Variants in TENM3 observed in about 807,000 individuals in gnomAD.
TENM3 encodes the protein teneurin transmembrane protein 3.
Under a neutral mutation model 255.1 loss-of-function variants are expected in TENM3, and 63 were observed. That is an observed-to-expected ratio of 0.25 (90% CI 0.20 to 0.30). The LOEUF is 0.30. Among genes scored for constraint, TENM3 ranks in the 10% least tolerant of loss-of-function variants. TENM3 has a pLI of 1.00. For missense variants in TENM3, 2,929 were observed against 3,461.1 expected (o/e 0.85, Z 3.86); for synonymous variants, 1,306 against 1,322.3 (o/e 0.99, Z 0.27).
chr4:182,031,983 T>C, the TENM3 span, among the ~76,000 whole-genome samples: 2 of 152,202 alleles, frequency 1.3e-5, no homozygotes, highest in Non-Finnish European at 2.9e-5. Context: ...AGATATAGGA[T>C]CATGTCATCT....
At chr4:181,479,326 G>T in the TENM3 span, among the ~76,000 whole-genome samples, 1 of 152,166 alleles carries the variant, frequency 6.6e-6, no homozygotes, top group Non-Finnish European at 1.5e-5. Context: ...GTAGAACCCG[G>T]ATGCTTCAAT....
At chr4:181,927,035 T>G in the TENM3 span, among the ~76,000 whole-genome samples, 65 of 152,298 alleles carry the variant, frequency 4.3e-4, no homozygotes, top group African/African-American at 1.5e-3. Context: ...GAGATTCCCT[T>G]GGGTGCCTAT....
At chr4:181,559,788 T>A in the TENM3 span, among the ~76,000 whole-genome samples, 3 of 152,334 alleles carry the variant, frequency 2.0e-5, no homozygotes, top group African/African-American at 7.2e-5. Context: ...CTCAGCCGCA[T>A]ACCAGCCAAA....
At chr4:182,055,831 A>G in the TENM3 span, among the ~76,000 whole-genome samples, 3 of 152,166 alleles carry the variant, frequency 2.0e-5, no homozygotes, top group African/African-American at 7.2e-5. Context: ...AATTAAAGAT[A>G]AGTGCGTATA....
chr4:182,018,586 T>C, the TENM3 span, among the ~76,000 whole-genome samples: 4,556 of 152,276 alleles, frequency 0.03, 124 homozygotes, highest in Non-Finnish European at 0.051. Flanking sequence ...AATAATAATA[T>C]TTATCTAGCT....
At chr4:181,634,366 A>G in the TENM3 span, among the ~76,000 whole-genome samples, 12,231 of 143,430 alleles carry the variant, frequency 0.085, 677 homozygotes, top group East Asian at 0.19. Flanking sequence ...CATCTGTTTG[A>G]GTCTTACTTT....
chr4:182,328,261 G>A (rs1763535320), intron 2 of TENM3, among the ~76,000 whole-genome samples: 1 of 152,088 alleles, frequency 6.6e-6, no homozygotes. Flanking sequence ...TGTCGCCCAG[G>A]CTGGAGTGAA....
At chr4:181,477,277 T>A in the TENM3 span, among the ~76,000 whole-genome samples, 12 of 152,288 alleles carry the variant, frequency 7.9e-5, 1 homozygote, top group African/African-American at 2.9e-4. Flanking sequence ...AAGTGGGGAC[T>A]TGAATAAGTG....
At chr4:182,246,763 C>T (rs1230821072) in intron 1 of TENM3, among the ~76,000 whole-genome samples, 1 of 152,220 alleles carries the variant, frequency 6.6e-6, no homozygotes, top group East Asian at 1.9e-4. Context: ...CCCTCTCGTC[C>T]TTCGCTTTGC....
At chr4:182,757,510 A>G (rs1325386388) in intron 22 of TENM3, among the ~76,000 whole-genome samples, 1 of 152,098 alleles carries the variant, frequency 6.6e-6, no homozygotes, top group Non-Finnish European at 1.5e-5. Context: ...TAGTGCTGAC[A>G]CTTGAACTTC....
At chr4:182,621,591 C>A in intron 4 of TENM3, among the ~76,000 whole-genome samples, 1 of 87,836 alleles carries the variant, frequency 1.1e-5, no homozygotes, top group Non-Finnish European at 2.5e-5. Context: ...AGGGAGACCC[C>A]CATCTGTACA....
At chr4:181,528,885 A>T in the TENM3 span, among the ~76,000 whole-genome samples, 1 of 114,654 alleles carries the variant, frequency 8.7e-6, no homozygotes, top group Non-Finnish European at 2.1e-5. Context: ...ACACACACAC[A>T]TACACACACA....
At chr4:182,506,272 A>T (rs758301423) in intron 3 of TENM3, among the ~76,000 whole-genome samples, 3 of 152,174 alleles carry the variant, frequency 2.0e-5, no homozygotes, top group Non-Finnish European at 2.9e-5. Flanking sequence ...TACTTTTGAA[A>T]TGTTTTCCAT....
intron 1 of TENM3, among the ~76,000 whole-genome samples, chr4:182,188,461 A>G (rs1054101860): frequency 1.3e-5 from 2 of 152,194 alleles, no homozygotes; most frequent in Non-Finnish European, 2.9e-5. Flanking sequence ...CATGTCTGTC[A>G]CAGGTGTCTA....
At chr4:182,194,645 C>G (rs572809624) in intron 1 of TENM3, among the ~76,000 whole-genome samples, 2 of 152,122 alleles carry the variant, frequency 1.3e-5, no homozygotes, top group Non-Finnish European at 2.9e-5. Flanking sequence ...TGCCAGCCAG[C>G]CAGACTAAAT....
chr4:182,349,048 A>G (rs1765010173), intron 3 of TENM3, among the ~76,000 whole-genome samples: 1 of 152,196 alleles, frequency 6.6e-6, no homozygotes, highest in Admixed American at 6.5e-5. Flanking sequence ...GAAGAGAGAC[A>G]GGGAGAGTGT....
chr4:181,535,847 A>G, the TENM3 span, among the ~76,000 whole-genome samples: 5,541 of 152,036 alleles, frequency 0.036, 353 homozygotes, highest in African/African-American at 0.13. Flanking sequence ...TTCTCCAACC[A>G]CAGCTCCTCA....
the TENM3 span, among the ~76,000 whole-genome samples, chr4:181,453,279 G>C: frequency 6.6e-6 from 1 of 152,258 alleles, no homozygotes; most frequent in South Asian, 2.1e-4. Context: ...TCGAATAATA[G>C]GCTTAGTGAG....
At chr4:181,451,003 T>C in the TENM3 span, among the ~76,000 whole-genome samples, 117 of 151,944 alleles carry the variant, frequency 7.7e-4, 1 homozygote, top group Non-Finnish European at 1.5e-3. Flanking sequence ...GTCATGGAGC[T>C]TCTTACATCT....
Sources: gnomAD v4.1 joint callset for allele counts (sites outside exome capture counted in the v4.1 genomes callset) on GRCh38, gnomAD v4.1.1 for gene constraint, MANE v1.5 for transcripts, NCBI Gene and HGNC (gene_info 2026-07-23, HGNC 2026-07-21) for gene names.